RAVER2: variants seen among roughly 807,000 people sequenced by gnomAD.
RAVER2 encodes ribonucleoprotein, PTB binding 2, also known as ribonucleoprotein PTB-binding 2.
Under a neutral mutation model 78.1 loss-of-function variants are expected in RAVER2, and 46 were observed. The ratio of observed to expected loss-of-function variants is 0.59; its 90% CI spans 0.46 to 0.75. The LOEUF (loss-of-function observed/expected upper bound fraction) is 0.75, where lower values mean the gene tolerates loss of function less well. Among genes scored for constraint, RAVER2 ranks in the 30% least tolerant of loss-of-function variants. RAVER2 has a pLI of 0.00. For synonymous variants in RAVER2, 311 were observed against 313.3 expected (o/e 0.99, Z 0.08); for missense variants, 793 against 837.5 (o/e 0.95, Z 0.66).
intron 11 of RAVER2, among the ~76,000 whole-genome samples, chr1:64,820,737 A>G (rs184772522): frequency 6.6e-6 from 1 of 152,160 alleles, no homozygotes. Context: ...CACAAAAGAC[A>G]TGAGCTCGTT....
chr1:64,747,461 A>G (rs1651570906), intron 1 of RAVER2, among the ~76,000 whole-genome samples: 1 of 152,026 alleles, frequency 6.6e-6, no homozygotes, highest in East Asian at 1.9e-4. Context: ...TGAAATACTA[A>G]GTTCTTGTTC....
intron 11 of RAVER2, among the ~76,000 whole-genome samples, chr1:64,817,832 C>A (rs1653790837): frequency 6.6e-6 from 1 of 152,032 alleles, no homozygotes; most frequent in African/African-American, 2.4e-5. Context: ...AGCACACCAA[C>A]ATGGCACATG....
exon 7 of RAVER2, chr1:64,804,745 G>T: frequency 1.4e-6 from 2 of 1,452,864 alleles, no homozygotes; most frequent in South Asian, 2.3e-5. Flanking sequence ...GCTCAGTTAT[G>T]GGTAATACTT....
intron 1 of RAVER2, among the ~76,000 whole-genome samples, chr1:64,746,413 A>G (rs905071805): frequency 6.6e-6 from 1 of 152,196 alleles, no homozygotes; most frequent in Non-Finnish European, 1.5e-5. Flanking sequence ...CTGAATTTAT[A>G]TACTGCTCCG....
chr1:64,824,989 G>C (rs1432607295), intron 11 of RAVER2, among the ~76,000 whole-genome samples: 1 of 142,176 alleles, frequency 7.0e-6, no homozygotes, highest in Non-Finnish European at 1.5e-5. Flanking sequence ...TTTTGGGGAT[G>C]AATCGTTAAA....
rs765164643 is a variant in RAVER2, at chr1:64,807,443, G to A, written c.1649G>A (p.Ser550Asn). 1.8e-5 allele frequency: 29 copies of A among 1,614,094 alleles called. No individual in the cohort carries two copies. The African/African-American group carries it at 3.6e-4, about 20-fold the overall frequency. ...GTGGGACACCATAAGCAGCAGCAAA[G>A]CCAGCCAAAAGGCACAGAGATAAGT... Residue 550 changes from serine (S) to asparagine (N), a missense_variant, in exon 9 of 12, where the codon AGC becomes AAC. Transcript: ENST00000294428.
chr1:64,804,180 T>A (rs1355439105), intron 6 of RAVER2, among the ~76,000 whole-genome samples: 1 of 152,202 alleles, frequency 6.6e-6, no homozygotes, highest in Non-Finnish European at 1.5e-5. Flanking sequence ...GCCTTCAGAT[T>A]GCAGTACAAT....
chr1:64,777,584 CA>C (rs756722583), intron 2 of RAVER2, 38 bp from the exon 3 acceptor site: 89 of 1,497,228 alleles, frequency 5.9e-5, no homozygotes, highest in Admixed American at 1.2e-4. Context: ...TGTTTTCAAA[CA>C]ATTTGAAAAC....
At chr1:64,814,674 A>G in intron 10 of RAVER2, 30 bp from the exon 11 acceptor site, 1 of 1,301,026 alleles carries the variant, frequency 7.7e-7, no homozygotes, top group Non-Finnish European at 1.0e-6. Context: ...AATAACCTAA[A>G]TAAAATAAAC....
intron 9 of RAVER2, among the ~76,000 whole-genome samples, chr1:64,811,586 T>G (rs567120911): frequency 3.9e-5 from 6 of 152,362 alleles, no homozygotes; most frequent in Non-Finnish European, 7.3e-5. Flanking sequence ...TGATGTAATT[T>G]ATGGTATTGA....
intron 1 of RAVER2, among the ~76,000 whole-genome samples, chr1:64,753,766 C>T (rs1651771777): frequency 6.6e-6 from 1 of 152,098 alleles, no homozygotes; most frequent in South Asian, 2.1e-4. Flanking sequence ...TTGTGATCTG[C>T]CCACCTCGGC....
intron 9 of RAVER2, among the ~76,000 whole-genome samples, chr1:64,811,782 G>T (rs1417901113): frequency 6.6e-6 from 1 of 152,174 alleles, no homozygotes; most frequent in East Asian, 1.9e-4. Flanking sequence ...GTAGACAAGG[G>T]TTATACATAG....
chr1:64,781,422 G>A (rs1317180492), exon 4 of RAVER2: 1 of 1,612,928 alleles, frequency 6.2e-7, no homozygotes, highest in Non-Finnish European at 8.5e-7. Context: ...CTTTGCAGTG[G>A]TTGAATATAG....
At chr1:64,773,991 G>A (rs1276009975) in intron 2 of RAVER2, among the ~76,000 whole-genome samples, 1 of 152,198 alleles carries the variant, frequency 6.6e-6, no homozygotes, top group Non-Finnish European at 1.5e-5. Flanking sequence ...TTTGAGAAGT[G>A]TCTGTTCATA....
chr1:64,810,118 C>G (rs1279446985), intron 9 of RAVER2, among the ~76,000 whole-genome samples: 1 of 152,102 alleles, frequency 6.6e-6, no homozygotes, highest in African/African-American at 2.4e-5. Context: ...TGGATCATAC[C>G]ATAATGCATG....
chr1:64,794,487 T>G (rs1653040624), intron 5 of RAVER2, among the ~76,000 whole-genome samples: 1 of 152,124 alleles, frequency 6.6e-6, no homozygotes, highest in African/African-American at 2.4e-5. Context: ...GGCTCCAGTT[T>G]GCTTAGTATC....
intron 9 of RAVER2, among the ~76,000 whole-genome samples, chr1:64,811,138 G>A (rs919665922): frequency 1.3e-5 from 2 of 152,028 alleles, no homozygotes; most frequent in Non-Finnish European, 1.5e-5. Flanking sequence ...CAAAAGAAAC[G>A]TAAACCAAAA....
chr1:64,803,683 T>C (rs1653332415), intron 6 of RAVER2, among the ~76,000 whole-genome samples: 1 of 152,192 alleles, frequency 6.6e-6, no homozygotes, highest in Non-Finnish European at 1.5e-5. Context: ...TTATTTTTCA[T>C]CCTTAGAATC....
intron 1 of RAVER2, among the ~76,000 whole-genome samples, chr1:64,764,311 A>G (rs555166609): frequency 2.8e-4 from 43 of 152,118 alleles, no homozygotes; most frequent in African/African-American, 8.2e-4. Flanking sequence ...GGACAATACA[A>G]TTATGGTGTC....
Sources: allele counts gnomAD v4.1 joint callset (sites outside exome capture counted in the v4.1 genomes callset), GRCh38; gene constraint gnomAD v4.1.1; transcripts MANE v1.5; gene names NCBI Gene and HGNC (gene_info 2026-07-23, HGNC 2026-07-21).